ABCC2: variants seen among roughly 807,000 people sequenced by gnomAD.
The protein encoded by ABCC2 is ATP-binding cassette sub-family C member 2.
A neutral mutation model predicts 173.4 loss-of-function variants in ABCC2; 157 were observed. The observed-to-expected ratio is 0.91, with a 90% CI of 0.80 to 1.03. ABCC2 has a LOEUF of 1.03. ABCC2 is among the 50% of genes least tolerant of loss of function. The pLI, the probability that ABCC2 is intolerant of heterozygous loss-of-function variation, is 0.00. For synonymous variants in ABCC2, 657 were observed against 693.5 expected (o/e 0.95, Z 0.83); for missense variants, 1,822 against 1,852.3 (o/e 0.98, Z 0.30).
At chr10:99,805,328 G>A in intron 10 of ABCC2, 54 bp from the exon 11 acceptor site, 1 of 1,531,798 alleles carries the variant, frequency 6.5e-7, no homozygotes, top group Non-Finnish European at 9.0e-7. Flanking sequence ...CAGCAAACCT[G>A]AGCCCTCTCT....
In ABCC2 at chr10:99,808,234, G is replaced by T. The variant is rs758525779; in HGVS notation, c.1815+5G>T. The T allele has an allele frequency of 1.9e-6, 3 of 1,613,896 alleles. No homozygotes were observed. The Admixed American group carries it at 5.0e-5, about 27-fold the overall frequency. On this transcript the variant is annotated splice_donor_5th_base_variant and intron_variant, in intron 13 of 31. Coordinates refer to ENST00000647814, the MANE Select transcript of ABCC2 (RefSeq NM_000392.5). Reference sequence around the variant, plus strand: ...ATGATCTCCTCCATGCTCCAGGTAGGTCGGCATTCTCACTGCTAACTCCCT... The same window carrying T: ...ATGATCTCCTCCATGCTCCAGGTAGTTCGGCATTCTCACTGCTAACTCCCT...
chr10:99,798,468 A>T (rs1178609106), intron 7 of ABCC2, among the ~76,000 whole-genome samples: 1 of 152,200 alleles, frequency 6.6e-6, no homozygotes, highest in Non-Finnish European at 1.5e-5. Context: ...AGCTTAAAAC[A>T]GAAATGTACT....
chr10:99,846,404 CAAAAG>C (rs1486640288), intron 29 of ABCC2, among the ~76,000 whole-genome samples: 1 of 152,136 alleles, frequency 6.6e-6, no homozygotes, highest in Non-Finnish European at 1.5e-5. Flanking sequence ...CCAGCCTCTT[CAAAAG>C]CGTGACACCT....
At chr10:99,799,534 G>A (rs1206543150) in intron 8 of ABCC2, among the ~76,000 whole-genome samples, 164 bp downstream of exon 8, 2 of 152,158 alleles carry the variant, frequency 1.3e-5, no homozygotes, top group African/African-American at 4.8e-5. Context: ...GAAGACCGCA[G>A]GCAGTTTTCA....
At chr10:99,826,207 C>G (rs553364669) in intron 19 of ABCC2, among the ~76,000 whole-genome samples, 1 of 152,186 alleles carries the variant, frequency 6.6e-6, no homozygotes, top group South Asian at 2.1e-4. Context: ...CTAACTTGTC[C>G]TCCTAAAACA....
At chr10:99,832,257 G>T in intron 23 of ABCC2, 126 bp downstream of exon 23, 1 of 1,266,882 alleles carries the variant, frequency 7.9e-7, no homozygotes, top group Non-Finnish European at 1.1e-6. Context: ...CAACATGCAA[G>T]TGTTTCTTGA....
chr10:99,840,584 C>T (rs2038922265), intron 25 of ABCC2, among the ~76,000 whole-genome samples: 1 of 149,054 alleles, frequency 6.7e-6, no homozygotes, highest in Non-Finnish European at 1.5e-5. Flanking sequence ...CGGCTCACTG[C>T]AACCTCTGCC....
At position 99,845,560 on chromosome 10, in the gene ABCC2, G is replaced by A. The variant is rs2039004237; in HGVS notation, c.3988-64G>A. Reference sequence around the variant, plus strand: ...TACCTCCTGTGACTGTGAATGCCCAGGCTAAATAACTTTTCCCCAAGAATT... The same window carrying A: ...TACCTCCTGTGACTGTGAATGCCCAAGCTAAATAACTTTTCCCCAAGAATT... On this transcript the variant is annotated intron_variant, in intron 28 of 31. Transcript: ENST00000647814. The A allele has an allele frequency of 1.1e-5, 17 of 1,595,706 alleles. No homozygotes were observed. In the South Asian group the frequency reaches 1.2e-4, roughly 11 times the overall value.
intron 2 of ABCC2, among the ~76,000 whole-genome samples, chr10:99,786,187 G>T (rs915819755): frequency 6.6e-6 from 1 of 152,176 alleles, no homozygotes; most frequent in Non-Finnish European, 1.5e-5. Flanking sequence ...GCTGACCTCA[G>T]TGGTACATAC....
At chr10:99,848,352 G>A (rs549990586) in intron 30 of ABCC2, among the ~76,000 whole-genome samples, 5 of 152,346 alleles carry the variant, frequency 3.3e-5, no homozygotes, top group African/African-American at 1.2e-4. Context: ...CCATTAATAA[G>A]TTGATCTGGC....
Position 99,813,394 on chromosome 10 carries a change from G to A in ABCC2, c.2094+250G>A, listed in dbSNP as rs143881613. Among the ~76,000 whole-genome samples the A allele has an allele frequency of 3.4e-3, 516 of 152,262 alleles. 2 individuals carry two copies. The highest frequency in any genetic ancestry group is 0.012 in the African/African-American group (492 of 41,560). ...ATACGCATACTACAGTGTGAAAACTGCTGATTAGAGAGGTCTTCCTTCAAA... is the reference window on the plus strand; with the variant it reads ...ATACGCATACTACAGTGTGAAAACTACTGATTAGAGAGGTCTTCCTTCAAA... On this transcript the variant is annotated intron_variant, in intron 16 of 31. Transcript: ENST00000647814.
rs550454509 is a variant in ABCC2 at position 99,851,955 on chromosome 10, A to G, written c.*324A>G. On this transcript the variant is annotated 3_prime_UTR_variant, in exon 32 of 32. Transcript: ENST00000647814. ...TTGTATGTATCTTTAAACAACATAT[A>G]CCCTTTTTTACTTATGTAAATGGAC... 8.5e-6 allele frequency: 2 copies of G among 234,512 alleles called. No individual in the cohort carries two copies. Among genetic ancestry groups the G allele is most frequent in the South Asian group, 6.7e-5 (1 of 14,992 alleles). The allele number at this position is 234,512 out of a possible 1,614,324, so 14.5% of individuals were successfully genotyped here.
Position 99,809,578 on chromosome 10 carries a change from T to C in ABCC2, c.1816-556T>C, listed in dbSNP as rs559672308. On this transcript the variant is annotated intron_variant, in intron 13 of 31. Coordinates refer to ENST00000647814, the MANE Select transcript of ABCC2 (RefSeq NM_000392.5). ...CCTCTTTGGAAGAGAGGGAAGTAGGTGAGAAACATCCTTGTAGAAGTGCCT... is the reference window on the plus strand; with the variant it reads ...CCTCTTTGGAAGAGAGGGAAGTAGGCGAGAAACATCCTTGTAGAAGTGCCT... Among the ~76,000 whole-genome samples, 259 of 152,322 alleles carry C rather than the reference T, an allele frequency of 1.7e-3. 1 individual carries two copies. The highest frequency in any genetic ancestry group is 0.01 in the Middle Eastern group (3 of 294).
intron 25 of ABCC2, among the ~76,000 whole-genome samples, chr10:99,837,340 T>C (rs1299033717): frequency 8.2e-5 from 6 of 73,236 alleles, no homozygotes; most frequent in Non-Finnish European, 8.2e-5. Context: ...TTTCTCCGTG[T>C]TGGTCAGGCT....
intron 16 of ABCC2, among the ~76,000 whole-genome samples, chr10:99,814,153 G>GTGTGTGTA (rs1554850499): frequency 3.5e-5 from 1 of 28,196 alleles, no homozygotes; most frequent in African/African-American, 1.5e-4. Flanking sequence ...ACACATGTAT[G>GTGTGTGTA]TATACACACG....
chr10:99,805,482 A>G, intron 11 of ABCC2, 35 bp downstream of exon 11: 1 of 1,601,288 alleles, frequency 6.2e-7, no homozygotes, highest in Non-Finnish European at 8.6e-7. Flanking sequence ...CTCTGTGGGT[A>G]AGGACAGAAG....
At chr10:99,831,873 C>G (rs368302405) in intron 22 of ABCC2, 43 bp downstream of exon 22, 3 of 1,611,640 alleles carry the variant, frequency 1.9e-6, no homozygotes, top group Non-Finnish European at 2.5e-6. Flanking sequence ...CTGTCTGGAC[C>G]CTGTACTTTT....
intron 16 of ABCC2, among the ~76,000 whole-genome samples, chr10:99,813,381 C>T (rs2038250859): frequency 1.3e-5 from 2 of 152,282 alleles, no homozygotes; most frequent in South Asian, 2.1e-4. Context: ...ACGCATACTA[C>T]AGTGTGAAAA....
At position 99,793,985 on chromosome 10, in the gene ABCC2, A is replaced by C; in HGVS notation, c.562A>C (p.Asn188His). 6.2e-7 allele frequency: 1 copy of C among 1,607,606 alleles called. No individual in the cohort carries two copies. The highest frequency in any genetic ancestry group is 8.5e-7 in the Non-Finnish European group (1 of 1,174,482). ...GATCTTTTCAGCATTTTCAGAAAATAATGAGTCATCAAATGTGAGATTCTA... is the reference window on the plus strand; with the variant it reads ...GATCTTTTCAGCATTTTCAGAAAATCATGAGTCATCAAATGTGAGATTCTA... ...ILIFSAFSENNESSNNPSSIA... is the reference protein window; with the variant it reads ...ILIFSAFSENHESSNNPSSIA... Residue 188 changes from asparagine to histidine, a missense_variant, in exon 5 of 32, where the codon AAT becomes CAT. Transcript: ENST00000647814.
Sources: gnomAD v4.1 joint callset for allele counts (sites outside exome capture counted in the v4.1 genomes callset) on GRCh38, gnomAD v4.1.1 for gene constraint, MANE v1.5 for transcripts, NCBI Gene and HGNC (gene_info 2026-07-23, HGNC 2026-07-21) for gene names.